The following RNF213 variants were observed in gnomAD, a reference collection of about 807,000 sequenced individuals.
RNF213 encodes the protein E3 ubiquitin-protein ligase RNF213.
A neutral mutation model predicts 514.4 loss-of-function variants in RNF213; 341 were observed. The ratio of observed to expected loss-of-function variants is 0.66; its 90% CI spans 0.61 to 0.73. RNF213 has a LOEUF of 0.73. RNF213 is among the 30% of genes least tolerant of loss of function. The pLI is 0.00. For synonymous variants in RNF213, 2,655 were observed against 2,658.2 expected (o/e 1.00, Z 0.04); for missense variants, 5,767 against 6,615.6 (o/e 0.87, Z 4.45).
intron 17 of RNF213, among the ~76,000 whole-genome samples, chr17:80,323,638 T>C (rs2046202789): frequency 6.6e-6 from 1 of 152,086 alleles, no homozygotes; most frequent in African/African-American, 2.4e-5. Flanking sequence ...AATTTTTGTA[T>C]TTTTAGTAGT....
At chr17:80,326,149 T>C (rs1167627420) in intron 18 of RNF213, among the ~76,000 whole-genome samples, 1 of 151,834 alleles carries the variant, frequency 6.6e-6, no homozygotes, top group Non-Finnish European at 1.5e-5. Context: ...AAACAAGGTC[T>C]TCTCTGTTGC....
chr17:80,366,954 C>G (rs894033082), intron 42 of RNF213, among the ~76,000 whole-genome samples: 1 of 152,192 alleles, frequency 6.6e-6, no homozygotes, highest in Non-Finnish European at 1.5e-5. Flanking sequence ...ACCAGTGTTT[C>G]CACTTCTAAC....
At chr17:80,309,429 C>G (rs1304746173) in intron 14 of RNF213, among the ~76,000 whole-genome samples, 1 of 152,166 alleles carries the variant, frequency 6.6e-6, no homozygotes, top group Non-Finnish European at 1.5e-5. Flanking sequence ...GTGTGGCCAT[C>G]AGCTGGTCAT....
In RNF213 at chr17:80,358,340, A is replaced by C; in HGVS notation, c.10915A>C (p.Met3639Leu). Reference sequence around the variant, plus strand: ...TGCTGTCACCCCTCTGCTGGCGAGCATGATATCATTCATCGACAGAGACGG... The same window carrying C: ...TGCTGTCACCCCTCTGCTGGCGAGCCTGATATCATTCATCGACAGAGACGG... ...QGAVTPLLASMISFIDRDGNL... is the reference protein window; with the variant it reads ...QGAVTPLLASLISFIDRDGNL... Residue 3639 changes from methionine to leucine, a missense_variant, in exon 37 of 68, where the codon ATG becomes CTG. Transcript: ENST00000582970. The C allele has an allele frequency of 1.2e-6, 2 of 1,614,188 alleles. No individual in the cohort carries two copies. Among genetic ancestry groups the C allele is most frequent in the Non-Finnish European group, 1.7e-6 (2 of 1,180,020 alleles).
At position 80,278,943 on chromosome 17, in the gene RNF213, C is replaced by T. The variant is rs1264807396; in HGVS notation, c.261+5539C>T. On this transcript the variant is annotated intron_variant, in intron 3 of 67. Transcript: ENST00000582970. ...GAGTCAATAGTTTGGGCAGAATGCT[C>T]CCTGCCCTGGTGCATGCTGGCACAG... The T allele has an allele frequency of 3.9e-6, 6 of 1,535,796 alleles. No homozygotes were observed. The Admixed American group carries it at 5.9e-5, about 15-fold the overall frequency.
chr17:80,344,569 C>T (rs1003896629), intron 28 of RNF213, 109 bp from the exon 29 acceptor site: 12 of 1,188,256 alleles, frequency 1.0e-5, no homozygotes, highest in Admixed American at 5.4e-5. Flanking sequence ...ATTTTCAGTG[C>T]GTTTTTCATA....
At chr17:80,306,794 GTGAGCCGAGATCACGCCGCTGCAC>G (rs1291981515) in intron 12 of RNF213, among the ~76,000 whole-genome samples, 2 of 150,996 alleles carry the variant, frequency 1.3e-5, no homozygotes, top group African/African-American at 2.4e-5. Context: ...GGAGCTTGCA[GTGAGCCGAGATCACGCCGCTGCAC>G]TCCAGCCTGG....
At chr17:80,365,251 TG>T (rs1270524142) in intron 42 of RNF213, 1 of 153,988 alleles carries the variant, frequency 6.5e-6, no homozygotes, top group Non-Finnish European at 1.4e-5. Context: ...GTCCGACCTT[TG>T]GAGCACAGGA....
chr17:80,269,282 C>T (rs2043718314), intron 2 of RNF213, among the ~76,000 whole-genome samples: 1 of 152,172 alleles, frequency 6.6e-6, no homozygotes, highest in East Asian at 1.9e-4. Flanking sequence ...TTACCAACTA[C>T]CTAGGCATCC....
At chr17:80,383,259 T>C (rs12603603) in intron 58 of RNF213, among the ~76,000 whole-genome samples, 189 bp downstream of exon 58, 74,108 of 152,012 alleles carry the variant, frequency 0.49, 19,643 homozygotes, top group Non-Finnish European at 0.59. Flanking sequence ...TGCTCTTCCC[T>C]CCTACAGCTG....
chr17:80,377,686 G>C lies in RNF213; in HGVS notation c.13511-76G>C, dbSNP rs2079816273. On this transcript the variant is annotated intron_variant, in intron 53 of 67. Coordinates refer to ENST00000582970, the MANE Select transcript of RNF213 (RefSeq NM_001256071.3). The surrounding 1 kb of genome is among the most constrained non-coding windows in gnomAD (Gnocchi z 4.1). Reference sequence around the variant, plus strand: ...ATTGTGGTCAGGGCCAGAGAGTAGAGAGTTAGCTTTCCCTTTTCAATGTGG... The same window carrying C: ...ATTGTGGTCAGGGCCAGAGAGTAGACAGTTAGCTTTCCCTTTTCAATGTGG... The C allele has an allele frequency of 6.6e-7, 1 of 1,518,352 alleles. No individual in the cohort carries two copies. The highest frequency in any genetic ancestry group is 9.2e-7 in the Non-Finnish European group (1 of 1,092,604). 94.1% of individuals were successfully genotyped at this position (1,518,352 alleles called of 1,614,324 possible). A position where few individuals can be genotyped will look rare whatever the true frequency, so the allele number is the denominator to read the frequency against.
Position 80,264,901 on chromosome 17 carries a change from C to T in RNF213, c.97+1123C>T, listed in dbSNP as rs1045418546. Among the ~76,000 whole-genome samples, 3 of 152,234 alleles carry T rather than the reference C, an allele frequency of 2.0e-5. No individual in the cohort carries two copies. The highest frequency in any genetic ancestry group is 2.4e-5 in the African/African-American group (1 of 41,542). On this transcript the variant is annotated intron_variant, in intron 2 of 67. Transcript: ENST00000582970. This position sits in a 1 kb window ranked among gnomAD's most constrained non-coding sequence, Gnocchi z 5.0. Reference sequence around the variant, plus strand: ...CTGGATACACCAGGTGTGCTTCCACCGCAGGGCCTTTGCACCACCCTTCCC... The same window carrying T: ...CTGGATACACCAGGTGTGCTTCCACTGCAGGGCCTTTGCACCACCCTTCCC...
chr17:80,291,828 G>A lies in RNF213; in HGVS notation c.1471+1G>A. On this transcript the variant is annotated splice_donor_variant, in intron 8 of 67. Transcript: ENST00000582970. LOFTEE classifies it high-confidence loss of function. Reference sequence around the variant, plus strand: ...AAATCTTCACTTCTGGGCTCAGGAGGTAAGTCGTGGCAGCAGGCTGTCTGC... The same window carrying A: ...AAATCTTCACTTCTGGGCTCAGGAGATAAGTCGTGGCAGCAGGCTGTCTGC... 6.2e-7 allele frequency: 1 copy of A among 1,614,144 alleles called. No homozygotes were observed. Among genetic ancestry groups the A allele is most frequent in the Non-Finnish European group, 8.5e-7 (1 of 1,180,032 alleles).
chr17:80,358,300 G>A lies in RNF213; in HGVS notation c.10875G>A (p.Trp3625Ter), dbSNP rs1448177811. The A allele has an allele frequency of 6.2e-7, 1 of 1,613,994 alleles. No individual in the cohort carries two copies. Among genetic ancestry groups the A allele is most frequent in the Non-Finnish European group, 8.5e-7 (1 of 1,179,930 alleles). ...TTCTGTGCTGCAGGCACACCCTCTG[G>A]AAGCGGGTCCAAGGTGCTGTCACCC... ...QEAGTFRHTLWKRVQGAVTPL... is the reference protein window; with the variant it reads ...QEAGTFRHTL The change falls in exon 37 of 68, where the codon TGG becomes TGA. Residue 3625 changes from tryptophan (W) to a stop codon, truncating the protein, a stop_gained. Transcript: ENST00000582970. LOFTEE classifies it high-confidence loss of function.
In RNF213 at chr17:80,367,960, G is replaced by C. The variant is rs781124540; in HGVS notation, c.11973-1G>C. The C allele has an allele frequency of 3.7e-6, 6 of 1,614,112 alleles. No individual in the cohort carries two copies. In the African/African-American group the frequency reaches 8.0e-5, roughly 22 times the overall value. ...AACTGATTGCCCTTCTTGGATTCTAGGTTTGGGATTCAGCCGTGCTCCATC... is the reference window on the plus strand; with the variant it reads ...AACTGATTGCCCTTCTTGGATTCTACGTTTGGGATTCAGCCGTGCTCCATC... On this transcript the variant is annotated splice_acceptor_variant, in intron 43 of 67. Coordinates refer to ENST00000582970, the MANE Select transcript of RNF213 (RefSeq NM_001256071.3). LOFTEE classifies it high-confidence loss of function.
rs777784017 is a variant in RNF213 at position 80,354,624 on chromosome 17, A to AG, written c.10862+48_10862+49insG. 8.7e-6 allele frequency: 14 copies of AG among 1,609,960 alleles called. No individual in the cohort carries two copies. In the South Asian group the frequency reaches 1.5e-4, roughly 18 times the overall value. ...GGAGTGGCTCCAATCTGGTGGCAGC[A>AG]TGGGGACCTGCCTGCAGGGATCCTC... On this transcript the variant is annotated intron_variant, in intron 36 of 67. Transcript: ENST00000582970.
Position 80,391,634 on chromosome 17 carries a change from G to A in RNF213, c.15470+1438G>A, listed in dbSNP as rs774291168. On this transcript the variant is annotated intron_variant, in intron 67 of 67. Transcript: ENST00000582970. ...AGAACAGGGGTTCATCTTCTCTGCC[G>A]TGTGCCACAGTGCTCTATTTCAGCC... Among the ~76,000 whole-genome samples, 164 of 152,086 alleles carry A rather than the reference G, an allele frequency of 1.1e-3. 1 individual carries two copies. Among genetic ancestry groups the A allele is most frequent in the African/African-American group, 3.9e-3 (160 of 41,478 alleles).
rs992411449 is a variant in RNF213 at position 80,385,141 on chromosome 17, A to T, written c.14425A>T (p.Ile4809Phe). 4 of 1,614,076 alleles carry T rather than the reference A, an allele frequency of 2.5e-6. No homozygotes were observed. The African/African-American group carries it at 5.3e-5, about 22-fold the overall frequency. The change falls in exon 60 of 68, where the codon ATC becomes TTC. Residue 4809 changes from isoleucine (I) to phenylalanine (F), a missense_variant. Physicochemically the swap from Ile to Phe is conservative, Grantham distance 21. Around this residue, in one of 13 missense-constraint regions of RNF213, gnomAD observed 1,245 missense variants for 1,339.0 expected, o/e 0.93. Coordinates refer to ENST00000582970, the MANE Select transcript of RNF213 (RefSeq NM_001256071.3). ...CGTCCAGCAAGTTGAATACAGCTCCATCAGAGGCTTCCTCAGCAAGCACAG... is the reference window on the plus strand; with the variant it reads ...CGTCCAGCAAGTTGAATACAGCTCCTTCAGAGGCTTCCTCAGCAAGCACAG... ...QNVQQVEYSSIRGFLSKHSSD... is the reference protein window; with the variant it reads ...QNVQQVEYSSFRGFLSKHSSD...
Position 80,290,739 on chromosome 17 carries a change from C to T in RNF213, c.1271+11C>T. 1 of 1,614,040 alleles carries T rather than the reference C, an allele frequency of 6.2e-7. No individual in the cohort carries two copies. The highest frequency in any genetic ancestry group is 1.1e-5 in the South Asian group (1 of 91,074). On this transcript the variant is annotated intron_variant, in intron 7 of 67. Transcript: ENST00000582970. Reference sequence around the variant, plus strand: ...GCTGCACTACACCAGGTGAGCGTGTCTGTAGGCTTGGGAGGAATCCCTCAG... The same window carrying T: ...GCTGCACTACACCAGGTGAGCGTGTTTGTAGGCTTGGGAGGAATCCCTCAG...
Sources: allele counts gnomAD v4.1 joint callset (sites outside exome capture counted in the v4.1 genomes callset), GRCh38; gene constraint gnomAD v4.1.1; regional missense constraint gnomAD v4.1.1; non-coding constraint Gnocchi (gnomAD v3.1); transcripts MANE v1.5; gene names NCBI Gene and HGNC (gene_info 2026-07-23, HGNC 2026-07-21).